Variants in CLEC16A observed in about 807,000 individuals in gnomAD.
The protein encoded by CLEC16A is protein CLEC16A.
A neutral mutation model predicts 109.5 loss-of-function variants in CLEC16A; 51 were observed. The ratio of observed to expected loss-of-function variants is 0.47; its 90% confidence interval spans 0.37 to 0.59. CLEC16A has a LOEUF of 0.59. Ranked by LOEUF, CLEC16A falls within the 20% of genes least tolerant of loss-of-function variation. The pLI is 0.00. For missense variants in CLEC16A, 1,339 were observed against 1,394.0 expected (o/e 0.96, Z 0.63); for synonymous variants, 673 against 564.2 (o/e 1.19, Z -2.73).
chr16:10,977,472 G>A (rs2043084997), intron 8 of CLEC16A, 73 bp downstream of exon 8: 1 of 1,350,644 alleles, frequency 7.4e-7, no homozygotes, highest in Non-Finnish European at 1.0e-6. Context: ...CAGTCCCCTG[G>A]AATGGGGCTG....
chr16:11,026,795 G>A (rs2046431227), intron 13 of CLEC16A, among the ~76,000 whole-genome samples: 2 of 152,088 alleles, frequency 1.3e-5, no homozygotes. Flanking sequence ...TACAAGAAAA[G>A]GGCTGGGTTT....
chr16:11,006,301 G>A (rs1253491697), intron 11 of CLEC16A, among the ~76,000 whole-genome samples: 6 of 152,200 alleles, frequency 3.9e-5, no homozygotes, highest in Admixed American at 6.5e-5. Context: ...AGTAAAAAAT[G>A]AGATGCGTTT....
chr16:11,010,284 A>C (rs575840861), intron 11 of CLEC16A, among the ~76,000 whole-genome samples: 1 of 151,774 alleles, frequency 6.6e-6, no homozygotes, highest in Admixed American at 6.5e-5. Context: ...TTTCATAAAC[A>C]TGAATCTCCC....
intron 22 of CLEC16A, among the ~76,000 whole-genome samples, chr16:11,146,746 G>T (rs2054074378): frequency 7.1e-6 from 1 of 141,348 alleles, no homozygotes; most frequent in African/African-American, 2.7e-5. Flanking sequence ...GAATGGATGG[G>T]TGGATGGCCG....
At chr16:11,089,216 G>A (rs750944580) in intron 19 of CLEC16A, among the ~76,000 whole-genome samples, 4 of 152,218 alleles carry the variant, frequency 2.6e-5, no homozygotes, top group Non-Finnish European at 4.4e-5. Flanking sequence ...GACAGTAGCA[G>A]TAGTTTTTAC....
At chr16:11,116,131 T>C (rs1161137811) in intron 19 of CLEC16A, among the ~76,000 whole-genome samples, 2 of 152,020 alleles carry the variant, frequency 1.3e-5, no homozygotes, top group African/African-American at 4.8e-5. Flanking sequence ...AGCTCATGCC[T>C]CTAATCCCAG....
chr16:10,999,445 G>T (rs755883385), intron 10 of CLEC16A, among the ~76,000 whole-genome samples: 3 of 152,078 alleles, frequency 2.0e-5, no homozygotes, highest in Non-Finnish European at 4.4e-5. Context: ...TACTTGAAAG[G>T]GACCCTACTG....
intron 19 of CLEC16A, among the ~76,000 whole-genome samples, chr16:11,090,225 C>CT (rs1424707024): frequency 1.3e-5 from 2 of 152,106 alleles, no homozygotes; most frequent in African/African-American, 4.8e-5. Flanking sequence ...CAGACATTCA[C>CT]TTTTTTAAAA....
chr16:11,102,712 C>T (rs1470993264), intron 19 of CLEC16A, among the ~76,000 whole-genome samples: 2 of 152,194 alleles, frequency 1.3e-5, no homozygotes, highest in African/African-American at 2.4e-5. Flanking sequence ...GACCCAGGCC[C>T]CTTCTCCATC....
At chr16:11,093,743 G>T (rs1012140485) in intron 19 of CLEC16A, among the ~76,000 whole-genome samples, 1 of 152,218 alleles carries the variant, frequency 6.6e-6, no homozygotes, top group African/African-American at 2.4e-5. Flanking sequence ...GGATATGAGG[G>T]TGTGGCAGTG....
intron 2 of CLEC16A, among the ~76,000 whole-genome samples, chr16:10,960,212 A>G (rs764715921): frequency 5.9e-5 from 9 of 151,986 alleles, no homozygotes; most frequent in Non-Finnish European, 1.2e-4. Flanking sequence ...CCTCATTTGG[A>G]TTTTGCCAGT....
At chr16:11,020,655 A>T (rs2286974) in intron 12 of CLEC16A, among the ~76,000 whole-genome samples, 35 of 152,212 alleles carry the variant, frequency 2.3e-4, no homozygotes, top group African/African-American at 7.7e-4. Flanking sequence ...CTGCTGCTCC[A>T]AGGAAGGATC....
chr16:11,084,471 G>A (rs2049901854), intron 19 of CLEC16A, among the ~76,000 whole-genome samples: 1 of 152,064 alleles, frequency 6.6e-6, no homozygotes, highest in African/African-American at 2.4e-5. Flanking sequence ...AATGCGAGTG[G>A]GTTAGGGTCC....
At chr16:11,081,598 C>T (rs2049721729) in intron 19 of CLEC16A, among the ~76,000 whole-genome samples, 1 of 152,130 alleles carries the variant, frequency 6.6e-6, no homozygotes. Flanking sequence ...TCACAAGGTA[C>T]CCACTCCCTG....
chr16:11,029,893 A>T (rs1288715510), intron 13 of CLEC16A, among the ~76,000 whole-genome samples: 4 of 151,842 alleles, frequency 2.6e-5, no homozygotes, highest in Non-Finnish European at 5.9e-5. Context: ...TGCTTCCCAC[A>T]CCCCTCTCCC....
intron 23 of CLEC16A, 113 bp downstream of exon 23, chr16:11,166,665 A>T: frequency 9.1e-7 from 1 of 1,098,480 alleles, no homozygotes; most frequent in Non-Finnish European, 1.2e-6. Flanking sequence ...TTGAAGGATG[A>T]TGCCGCTCAG....
chr16:10,949,336 C>A (rs1362159060), intron 1 of CLEC16A, among the ~76,000 whole-genome samples: 4 of 152,108 alleles, frequency 2.6e-5, no homozygotes, highest in Non-Finnish European at 4.4e-5. Flanking sequence ...TCCAGGCCTT[C>A]CCACCATCTA....
intron 19 of CLEC16A, among the ~76,000 whole-genome samples, chr16:11,070,074 ATTT>A (rs35348492): frequency 1.4e-5 from 2 of 143,726 alleles, no homozygotes; most frequent in African/African-American, 2.6e-5. Flanking sequence ...AACTGCCACC[ATTT>A]TTTTTTTTTT....
intron 21 of CLEC16A, among the ~76,000 whole-genome samples, chr16:11,124,907 C>A (rs1169900481): frequency 6.6e-6 from 1 of 152,144 alleles, no homozygotes; most frequent in African/African-American, 2.4e-5. Context: ...GGAAACATGG[C>A]AAGACCCTGT....
Sources: gnomAD v4.1 joint callset for allele counts (sites outside exome capture counted in the v4.1 genomes callset) on GRCh38, gnomAD v4.1.1 for gene constraint, MANE v1.5 for transcripts, NCBI Gene and HGNC (gene_info 2026-07-23, HGNC 2026-07-21) for gene names.